Variants in MYLK observed in about 807,000 individuals in gnomAD.
The protein encoded by MYLK is myosin light chain kinase, smooth muscle.
Under a neutral mutation model 203.4 loss-of-function variants are expected in MYLK, and 106 were observed. The observed-to-expected ratio is 0.52, with a 90% CI of 0.45 to 0.61. The LOEUF is 0.61. Among genes scored for constraint, MYLK ranks in the 20% least tolerant of loss-of-function variants. MYLK has a pLI of 0.00. For missense variants in MYLK, 2,072 were observed against 2,442.3 expected, an observed-to-expected ratio of 0.85 and a Z score of 3.20; for synonymous variants, 867 against 959.5, an observed-to-expected ratio of 0.90 and a Z score of 1.78.
chr3:123,614,695 C>G (rs1419734744), intron 33 of MYLK, among the ~76,000 whole-genome samples: 1 of 152,114 alleles, frequency 6.6e-6, no homozygotes, highest in South Asian at 2.1e-4. Flanking sequence ...GTGGCATGAT[C>G]GTAGCTTACT....
At chr3:123,740,330 C>T (rs1299148778) in intron 5 of MYLK, among the ~76,000 whole-genome samples, 1 of 152,230 alleles carries the variant, frequency 6.6e-6, no homozygotes, top group Non-Finnish European at 1.5e-5. Context: ...TTCTAAAACT[C>T]TCAACCACCC....
At chr3:123,849,844 T>C (rs1474781593) in intron 2 of MYLK, among the ~76,000 whole-genome samples, 2 of 152,196 alleles carry the variant, frequency 1.3e-5, no homozygotes, top group African/African-American at 4.8e-5. Flanking sequence ...GCTGCACCCA[T>C]TAACTCATCA....
chr3:123,758,782 C>G (rs1198741348), intron 4 of MYLK, among the ~76,000 whole-genome samples: 1 of 152,186 alleles, frequency 6.6e-6, no homozygotes, highest in Non-Finnish European at 1.5e-5. Context: ...CATCTAAAAC[C>G]CTTTGGAGCA....
intron 5 of MYLK, among the ~76,000 whole-genome samples, chr3:123,750,871 G>C (rs558284476): frequency 9.2e-5 from 14 of 152,280 alleles, no homozygotes; most frequent in Non-Finnish European, 1.6e-4. Flanking sequence ...AGCACTCAAA[G>C]GTCATTAGAG....
intron 3 of MYLK, among the ~76,000 whole-genome samples, chr3:123,797,971 C>T (rs1239499271): frequency 4.6e-5 from 7 of 152,176 alleles, no homozygotes; most frequent in Non-Finnish European, 8.8e-5. Context: ...AGTGAGATGA[C>T]TGGAAAACAG....
chr3:123,870,470 T>C (rs1381956443), intron 2 of MYLK, among the ~76,000 whole-genome samples: 4 of 152,218 alleles, frequency 2.6e-5, no homozygotes, highest in Non-Finnish European at 4.4e-5. Flanking sequence ...GATGGCCCTA[T>C]TGTGGCCCTA....
chr3:123,743,361 G>T (rs868385688), intron 5 of MYLK, among the ~76,000 whole-genome samples: 2 of 152,164 alleles, frequency 1.3e-5, no homozygotes, highest in South Asian at 4.1e-4. Flanking sequence ...GCTAAAAATG[G>T]AATTGATGGA....
At chr3:123,617,211 A>C (rs761885520) in intron 33 of MYLK, 8 of 152,246 alleles carry the variant, frequency 5.3e-5, no homozygotes, top group African/African-American at 1.2e-4. Context: ...ATAAATATCA[A>C]TGAAACAATT....
chr3:123,694,997 C>T (rs2060853821), intron 18 of MYLK, among the ~76,000 whole-genome samples: 1 of 152,238 alleles, frequency 6.6e-6, no homozygotes, highest in Non-Finnish European at 1.5e-5. Context: ...AGCATCACTG[C>T]AGAGCTCCGC....
intron 18 of MYLK, among the ~76,000 whole-genome samples, chr3:123,696,199 G>A (rs1447290495): frequency 1.3e-5 from 2 of 152,134 alleles, no homozygotes; most frequent in Non-Finnish European, 1.5e-5. Context: ...AGACATCAGA[G>A]AAGTCCCCTG....
At chr3:123,726,156 A>AAGTGATCCGG in intron 11 of MYLK, 78 bp from the exon 12 acceptor site, 1 of 1,591,108 alleles carries the variant, frequency 6.3e-7, no homozygotes. Context: ...CCAGCCTCCC[A>AAGTGATCCGG]GGCACGCCTC....
At chr3:123,867,162 C>T (rs2032385609) in intron 2 of MYLK, among the ~76,000 whole-genome samples, 1 of 152,094 alleles carries the variant, frequency 6.6e-6, no homozygotes, top group Non-Finnish European at 1.5e-5. Context: ...ACCAGTGACA[C>T]TACCACTGTC....
chr3:123,673,130 C>G (rs2059966107), intron 20 of MYLK, among the ~76,000 whole-genome samples: 1 of 150,776 alleles, frequency 6.6e-6, no homozygotes, highest in Admixed American at 6.6e-5. Flanking sequence ...GGAAGTATAG[C>G]ATATAGTGCA....
At chr3:123,663,992 C>A in intron 23 of MYLK, 113 bp downstream of exon 23, 2 of 1,463,266 alleles carry the variant, frequency 1.4e-6, no homozygotes, top group Non-Finnish European at 1.9e-6. Flanking sequence ...AAATCAGGCA[C>A]AGGAGTGGTG....
chr3:123,880,903 A>G (rs1165681006), intron 1 of MYLK, among the ~76,000 whole-genome samples: 1 of 152,164 alleles, frequency 6.6e-6, no homozygotes, highest in East Asian at 1.9e-4. Context: ...GGTGCATGCA[A>G]CAAGGAGGAG....
At position 123,735,333 on chromosome 3, in the gene MYLK, C is replaced by T; in HGVS notation, c.773+65G>A. ...GATGATTCAGAAATTCAGGGCATTT[C>T]TCGGTAACATCCTTGCAGGGCATTT... On this transcript the variant is annotated intron_variant, in intron 9 of 33. Coordinates refer to ENST00000360304, the MANE Select transcript of MYLK (RefSeq NM_053025.4). 7.5e-6 allele frequency: 12 copies of T among 1,598,256 alleles called. No homozygotes were observed. The South Asian group carries it at 1.3e-4, about 18-fold the overall frequency.
At chr3:123,839,915 G>A (rs749011227) in intron 2 of MYLK, among the ~76,000 whole-genome samples, 2 of 152,066 alleles carry the variant, frequency 1.3e-5, no homozygotes, top group Non-Finnish European at 2.9e-5. Context: ...TTCCTAAAAT[G>A]CTTGCAGATT....
At chr3:123,701,973 C>T (rs1241386545) in intron 16 of MYLK, among the ~76,000 whole-genome samples, 1 of 152,212 alleles carries the variant, frequency 6.6e-6, no homozygotes, top group Non-Finnish European at 1.5e-5. Flanking sequence ...CTTTCCCTCT[C>T]TTGCTCGGGA....
intron 4 of MYLK, among the ~76,000 whole-genome samples, chr3:123,766,032 C>T (rs768152526): frequency 3.2e-4 from 49 of 152,096 alleles, no homozygotes; most frequent in Non-Finnish European, 2.1e-4. Flanking sequence ...TACTTAGTGC[C>T]GCTGAACTGT....
Sources: allele counts gnomAD v4.1 joint callset (sites outside exome capture counted in the v4.1 genomes callset), GRCh38; gene constraint gnomAD v4.1.1; transcripts MANE v1.5; gene names NCBI Gene and HGNC (gene_info 2026-07-23, HGNC 2026-07-21).